The following NAALADL2 variants were observed in gnomAD, a reference collection of about 807,000 sequenced individuals.
NAALADL2 encodes N-acetylated alpha-linked acidic dipeptidase like 2, also known as inactive N-acetylated-alpha-linked acidic dipeptidase-like protein 2.
A neutral mutation model predicts 87.2 loss-of-function variants in NAALADL2; 76 were observed. That is an observed-to-expected ratio of 0.87 (90% CI 0.72 to 1.05). The LOEUF (loss-of-function observed/expected upper bound fraction) is 1.05. Ranked by LOEUF, NAALADL2 falls within the 50% of genes least tolerant of loss-of-function variation. The pLI is 0.00. For missense variants in NAALADL2, 1,089 were observed against 945.8 expected (o/e 1.15, Z -1.99); for synonymous variants, 354 against 331.0 (o/e 1.07, Z -0.75).
intron 1 of NAALADL2, among the ~76,000 whole-genome samples, chr3:174,999,694 C>T (rs912886691): frequency 1.3e-5 from 2 of 152,160 alleles, no homozygotes; most frequent in Admixed American, 1.3e-4. Flanking sequence ...GTTGCAGTAG[C>T]ATTGGCTAAT....
intron 1 of NAALADL2, among the ~76,000 whole-genome samples, chr3:174,929,391 G>A (rs1407340215): frequency 3.3e-5 from 5 of 152,034 alleles, no homozygotes; most frequent in African/African-American, 1.2e-4. Flanking sequence ...GTGCTCTGAT[G>A]TTTTCTTCTT....
rs76448542 is a variant in NAALADL2 at position 175,762,095 on chromosome 3, T to C, written c.2189+6677T>C. ...CCAAAGTCACTCAGATTTTCTGTTA[T>C]ATTATCTTCTAGAAGTTTTATAGTA... On this transcript the variant is annotated intron_variant, in intron 13 of 13. Coordinates refer to ENST00000454872, the MANE Select transcript of NAALADL2 (RefSeq NM_207015.3). Among the ~76,000 whole-genome samples, 1,334 of 152,208 alleles carry C rather than the reference T, an allele frequency of 8.8e-3. 22 individuals are homozygous for C. Among genetic ancestry groups the C allele is most frequent in the African/African-American group, 0.031 (1,282 of 41,540 alleles).
chr3:175,534,791 T>C (rs1450283380), intron 9 of NAALADL2, among the ~76,000 whole-genome samples: 1 of 152,138 alleles, frequency 6.6e-6, no homozygotes, highest in African/African-American at 2.4e-5. Flanking sequence ...TTAGGATTTA[T>C]TGGTTCTATG....
At chr3:174,971,150 GC>G (rs1415193557) in intron 1 of NAALADL2, among the ~76,000 whole-genome samples, 1 of 152,062 alleles carries the variant, frequency 6.6e-6, no homozygotes, top group African/African-American at 2.4e-5. Flanking sequence ...GGAAAGACTG[GC>G]CCCCATAATT....
chr3:175,383,130 A>G (rs930602046), intron 5 of NAALADL2, among the ~76,000 whole-genome samples: 4 of 152,072 alleles, frequency 2.6e-5, no homozygotes, highest in African/African-American at 9.7e-5. Context: ...TGATCACATA[A>G]GAGTAATTGG....
intron 13 of NAALADL2, among the ~76,000 whole-genome samples, chr3:175,775,530 A>G (rs917481251): frequency 1.3e-5 from 2 of 152,116 alleles, no homozygotes; most frequent in Non-Finnish European, 2.9e-5. Context: ...AATTCAGCAA[A>G]CATTTATGTG....
At chr3:175,220,794 T>C (rs527539611) in intron 2 of NAALADL2, among the ~76,000 whole-genome samples, 1 of 152,338 alleles carries the variant, frequency 6.6e-6, no homozygotes, top group South Asian at 2.1e-4. Context: ...TTTATCTTTT[T>C]CTTTCATTTT....
chr3:175,580,643 C>T (rs1403450887), intron 10 of NAALADL2, among the ~76,000 whole-genome samples: 1 of 152,220 alleles, frequency 6.6e-6, no homozygotes, highest in African/African-American at 2.4e-5. Context: ...TATAAAGTCA[C>T]TTAAGAATGA....
chr3:174,871,812 T>C (rs538795778), intron 1 of NAALADL2, among the ~76,000 whole-genome samples: 2 of 152,160 alleles, frequency 1.3e-5, no homozygotes, highest in South Asian at 4.2e-4. Context: ...GATAGGAGAA[T>C]TGCTTGAACC....
rs1754933314 is a variant in NAALADL2 at position 175,808,967 on chromosome 3, A to G, written c.*5764A>G. On this transcript the variant is annotated 3_prime_UTR_variant, in exon 14 of 14. Coordinates refer to ENST00000454872, the MANE Select transcript of NAALADL2 (RefSeq NM_207015.3). ...AACTTCTTCAAAGGGCCTTTATTCAATATGTTACCACTCATATGGTCATTA... is the reference window on the plus strand; with the variant it reads ...AACTTCTTCAAAGGGCCTTTATTCAGTATGTTACCACTCATATGGTCATTA... The G allele has an allele frequency of 6.6e-6, 1 of 151,948 alleles. No individual in the cohort carries two copies. Among genetic ancestry groups the G allele is most frequent in the African/African-American group, 2.4e-5 (1 of 41,410 alleles). 9.4% of individuals were successfully genotyped at this position (151,948 alleles called of 1,614,324 possible). A position where few individuals can be genotyped will look rare whatever the true frequency, so the allele number is the denominator to read the frequency against.
At chr3:175,146,517 T>A (rs944310156) in intron 2 of NAALADL2, among the ~76,000 whole-genome samples, 1 of 152,106 alleles carries the variant, frequency 6.6e-6, no homozygotes, top group Non-Finnish European at 1.5e-5. Flanking sequence ...AAATTGTAGA[T>A]AAATCAGAGA....
rs201188642 is a variant in NAALADL2 at position 175,275,866 on chromosome 3, T to A, written c.939+19336T>A. On this transcript the variant is annotated intron_variant, in intron 4 of 13. Transcript: ENST00000454872. ...ATAATAATTATAATAAGTTTAAGCTTTATAATAATGATAGTAAGAAAACTC... is the reference window on the plus strand; with the variant it reads ...ATAATAATTATAATAAGTTTAAGCTATATAATAATGATAGTAAGAAAACTC... Among the ~76,000 whole-genome samples the A allele has an allele frequency of 5.3e-5, 8 of 150,868 alleles. No homozygotes were observed. In the East Asian group the frequency reaches 1.2e-3, roughly 22 times the overall value.
chr3:174,809,016 A>C (rs1442742391), intron 3 of NAALADL2, among the ~76,000 whole-genome samples: 1 of 152,178 alleles, frequency 6.6e-6, no homozygotes, highest in Non-Finnish European at 1.5e-5. Context: ...TTTCTCATGT[A>C]TATGTTCAAT....
intron 9 of NAALADL2, among the ~76,000 whole-genome samples, chr3:175,572,439 C>T (rs1482605703): frequency 1.3e-5 from 2 of 149,736 alleles, no homozygotes; most frequent in Non-Finnish European, 3.0e-5. Context: ...TTTTATATGG[C>T]AGAGGCAGCA....
At chr3:175,490,923 G>A (rs1039004213) in intron 9 of NAALADL2, among the ~76,000 whole-genome samples, 4 of 152,114 alleles carry the variant, frequency 2.6e-5, no homozygotes, top group African/African-American at 9.7e-5. Context: ...CTTGAGGTAC[G>A]AGATTTTAGA....
chr3:175,600,202 T>G (rs1722768946), intron 10 of NAALADL2, among the ~76,000 whole-genome samples: 1 of 151,948 alleles, frequency 6.6e-6, no homozygotes, highest in Non-Finnish European at 1.5e-5. Flanking sequence ...AACATATATA[T>G]GTATATATTC....
intron 1 of NAALADL2, among the ~76,000 whole-genome samples, chr3:174,493,654 G>T (rs1176737127): frequency 1.3e-5 from 2 of 152,108 alleles, no homozygotes; most frequent in South Asian, 2.1e-4. Context: ...GAAAGGCCTA[G>T]AAAGTAAAAG....
At chr3:175,026,090 C>A (rs1324292381) in intron 1 of NAALADL2, among the ~76,000 whole-genome samples, 1 of 152,082 alleles carries the variant, frequency 6.6e-6, no homozygotes, top group Non-Finnish European at 1.5e-5. Flanking sequence ...GAATTACAGG[C>A]ATAAGCCACT....
chr3:175,098,533 C>A (rs1721557447), intron 2 of NAALADL2, among the ~76,000 whole-genome samples: 1 of 152,068 alleles, frequency 6.6e-6, no homozygotes, highest in South Asian at 2.1e-4. Context: ...GCTGGAGACA[C>A]CACTGAAGAC....
Sources: allele counts gnomAD v4.1 joint callset (sites outside exome capture counted in the v4.1 genomes callset), GRCh38; gene constraint gnomAD v4.1.1; transcripts MANE v1.5; gene names NCBI Gene and HGNC (gene_info 2026-07-23, HGNC 2026-07-21).